SLC26A5: variants seen among roughly 807,000 people sequenced by gnomAD.
SLC26A5 encodes prestin.
Under a neutral mutation model 81.0 loss-of-function variants are expected in SLC26A5, and 51 were observed. That is an observed-to-expected ratio of 0.63 (90% CI 0.50 to 0.80). The LOEUF (loss-of-function observed/expected upper bound fraction) is 0.80. Among genes scored for constraint, SLC26A5 ranks in the 30% least tolerant of loss-of-function variants. The pLI, the probability that SLC26A5 is intolerant of heterozygous loss-of-function variation, is 0.00. For synonymous variants in SLC26A5, 325 were observed against 332.8 expected, an observed-to-expected ratio of 0.98 and a Z score of 0.25; for missense variants, 771 against 905.8, an observed-to-expected ratio of 0.85 and a Z score of 1.91.
At chr7:103,352,802 C>G in exon 20 of SLC26A5, 12 of 779,488 alleles carry the variant, frequency 1.5e-5, no homozygotes, top group South Asian at 1.3e-4. Context: ...TGGCTGAGGT[C>G]ACCCCACTAA....
intron 18 of SLC26A5, among the ~76,000 whole-genome samples, 192 bp downstream of exon 18, chr7:103,377,407 T>C (rs986399584): frequency 6.6e-6 from 1 of 152,232 alleles, no homozygotes; most frequent in Non-Finnish European, 1.5e-5. Context: ...TTGATCATTG[T>C]TGAAGCTGAG....
intron 8 of SLC26A5, among the ~76,000 whole-genome samples, chr7:103,399,952 T>C (rs968986439): frequency 2.0e-4 from 31 of 152,314 alleles, no homozygotes; most frequent in African/African-American, 7.5e-4. Flanking sequence ...TGCCACATTT[T>C]CTTTATCCAG....
rs747156470 is a variant in SLC26A5 at position 103,389,072 on chromosome 7, A to G, written c.1450T>C (p.Leu484=). 6.8e-6 allele frequency: 11 copies of G among 1,613,928 alleles called. No individual in the cohort carries two copies. In the South Asian group the frequency reaches 1.2e-4, roughly 18 times the overall value. The change falls in exon 14 of 20, where the codon TTG becomes CTG. Residue 484 remains leucine (L), a synonymous_variant. Coordinates refer to ENST00000306312, the MANE Select transcript of SLC26A5 (RefSeq NM_198999.3). ...TTFVSSLFLG[L]DYGLITAVII... is the part of the protein sequence containing the mutation. ...ACAGCAGTGATCAAACCATAGTCCA[A>G]TCCCAGGAACAAGGAGGACACAAAA...
chr7:103,363,136 C>G (rs1359290004), intron 19 of SLC26A5, among the ~76,000 whole-genome samples: 1 of 152,088 alleles, frequency 6.6e-6, no homozygotes. Flanking sequence ...CTCAGCCTGT[C>G]TTTATTTTAC....
Position 103,367,534 on chromosome 7 carries a change from C to T in SLC26A5, c.2041+9274G>A, listed in dbSNP as rs772061938. On this transcript the variant is annotated intron_variant, in intron 19 of 19. Coordinates refer to the SLC26A5 transcript ENST00000339444. The surrounding 1 kb of genome is among the most constrained non-coding windows in gnomAD (Gnocchi z 6.1). ...ATATTAAAGTGCTGATGGCCACTAA[C>T]AGACCTGATACTTTGGATCCAGCAC... is the stretch of plus-strand genomic sequence containing the variant. 1.2e-6 allele frequency: 2 copies of T among 1,614,166 alleles called. No homozygotes were observed. The highest frequency in any genetic ancestry group is 2.2e-5 in the South Asian group (2 of 91,080).
At chr7:103,389,149 T>A (rs560660610) in intron 13 of SLC26A5, 35 bp from the exon 14 acceptor site, 2 of 1,490,912 alleles carry the variant, frequency 1.3e-6, no homozygotes, top group South Asian at 2.3e-5. Context: ...TGGAGAACCA[T>A]GTTAAACATC....
At position 103,392,968 on chromosome 7, in the gene SLC26A5, A is replaced by G. The variant is rs1168212400; in HGVS notation, c.1070T>C (p.Met357Thr). ...AIVGFSVTIS[M>T]AKTLANKHGY... ...ATGTTTATTTGCTAAGGTCTTGGCC[A>G]TGGAGATGGTCACTGAAAATCCAAC... is the stretch of plus-strand genomic sequence containing the variant. The change falls in exon 10 of 20, where the codon ATG becomes ACG. Residue 357 changes from methionine to threonine, a missense_variant. Coordinates refer to ENST00000306312, the MANE Select transcript of SLC26A5 (RefSeq NM_198999.3). The G allele has an allele frequency of 8.7e-6, 14 of 1,613,912 alleles. No individual in the cohort carries two copies. Among genetic ancestry groups the G allele is most frequent in the African/African-American group, 1.3e-5 (1 of 74,930 alleles).
At chr7:103,439,600 C>T (rs1457717687) in intron 2 of SLC26A5, among the ~76,000 whole-genome samples, 1 of 152,156 alleles carries the variant, frequency 6.6e-6, no homozygotes, top group Non-Finnish European at 1.5e-5. Flanking sequence ...GTGGTGCGAT[C>T]ACAGCTCGCT....
intron 4 of SLC26A5, among the ~76,000 whole-genome samples, chr7:103,414,848 G>C (rs1824785676): frequency 6.6e-6 from 1 of 152,202 alleles, no homozygotes; most frequent in South Asian, 2.1e-4. Flanking sequence ...ACGCTGAGCA[G>C]CTTTCTTGTA....
intron 14 of SLC26A5, among the ~76,000 whole-genome samples, chr7:103,388,187 C>A (rs994543311): frequency 6.8e-5 from 10 of 147,408 alleles, no homozygotes; most frequent in African/African-American, 2.5e-4. Context: ...GTGCCCAGCC[C>A]ATAAAGTTTT....
intron 19 of SLC26A5, chr7:103,364,317 AT>A: frequency 6.2e-7 from 1 of 1,613,520 alleles, no homozygotes; most frequent in Non-Finnish European, 8.5e-7. Context: ...GGTAAAGTAA[AT>A]TTATCAAAGA....
At chr7:103,399,523 A>G (rs1285471126) in intron 8 of SLC26A5, among the ~76,000 whole-genome samples, 4 of 152,224 alleles carry the variant, frequency 2.6e-5, no homozygotes, top group South Asian at 4.1e-4. Flanking sequence ...TTCCACAGCT[A>G]GAACTTGTTG....
intron 19 of SLC26A5, among the ~76,000 whole-genome samples, chr7:103,359,172 A>ATTTTTTTTTTTTTTTTTT (rs1586155184): frequency 5.1e-5 from 3 of 58,386 alleles, no homozygotes; most frequent in Non-Finnish European, 6.4e-5. Context: ...TTTTTTTTTA[A>ATTTTTTTTTTTTTTTTTT]TTTTTAGTAG....
chr7:103,429,933 C>T (rs1243919134), intron 2 of SLC26A5, among the ~76,000 whole-genome samples: 5 of 152,074 alleles, frequency 3.3e-5, no homozygotes, highest in Admixed American at 6.5e-5. Flanking sequence ...TGGTTTTTGC[C>T]ATTACTTTCA....
chr7:103,393,976 G>C (rs9791490), intron 9 of SLC26A5, among the ~76,000 whole-genome samples: 6,871 of 152,106 alleles, frequency 0.045, 233 homozygotes, highest in East Asian at 0.15. Context: ...TGTTTTCAAT[G>C]GCCCTGTGAA....
intron 14 of SLC26A5, among the ~76,000 whole-genome samples, chr7:103,385,402 G>A (rs1822108301): frequency 6.6e-6 from 1 of 152,090 alleles, no homozygotes; most frequent in African/African-American, 2.4e-5. Context: ...CCAAAGTGCT[G>A]GGTTTACAGC....
In SLC26A5 at chr7:103,393,051, G is replaced by A. The variant is rs1421053046; in HGVS notation, c.987C>T (p.Ala329=). 4.3e-6 allele frequency: 7 copies of A among 1,613,868 alleles called. No homozygotes were observed. The highest frequency in any genetic ancestry group is 3.4e-6 in the Non-Finnish European group (4 of 1,179,876). ...GTLPLGLLPP[A]NPDTSLFHLV... is the part of the protein sequence containing the mutation. ...GGTGGAAGAGGCTGGTGTCCGGATT[G>A]GCTGGAGGTAGCAGCCTGAAAAGTC... The change falls in exon 10 of 20, where the codon GCC becomes GCT. Residue 329 remains alanine, a synonymous_variant. Transcript: ENST00000306312.
intron 9 of SLC26A5, among the ~76,000 whole-genome samples, chr7:103,397,480 G>A: frequency 7.2e-6 from 1 of 139,576 alleles, no homozygotes; most frequent in East Asian, 2.2e-4. Context: ...GGCGGAGCTT[G>A]CAGTGAGCCG....
chr7:103,382,305 C>T (rs1821861661), intron 14 of SLC26A5, among the ~76,000 whole-genome samples: 1 of 147,782 alleles, frequency 6.8e-6, no homozygotes, highest in Non-Finnish European at 1.5e-5. Flanking sequence ...TTAATTTAGT[C>T]TGAATAGATT....
Sources: allele counts gnomAD v4.1 joint callset (sites outside exome capture counted in the v4.1 genomes callset), GRCh38; gene constraint gnomAD v4.1.1; non-coding constraint Gnocchi (gnomAD v3.1); transcripts MANE v1.5; gene names NCBI Gene and HGNC (gene_info 2026-07-23, HGNC 2026-07-21).